The following DDX31 variants were observed in gnomAD, a reference collection of about 807,000 sequenced individuals.
DDX31 encodes the protein DEAD-box helicase 31, also known as ATP-dependent DNA helicase DDX31.
A neutral mutation model predicts 91.3 loss-of-function variants in DDX31; 70 were observed. The observed-to-expected ratio is 0.77, with a 90% confidence interval of 0.63 to 0.94. The LOEUF is 0.94. Ranked by LOEUF, DDX31 falls within the 40% of genes least tolerant of loss-of-function variation. The pLI, the probability that DDX31 is intolerant of heterozygous loss-of-function variation, is 0.00. For missense variants in DDX31, 902 were observed against 925.0 expected (o/e 0.98, Z 0.32); for synonymous variants, 362 against 350.6 (o/e 1.03, Z -0.36).
At chr9:132,598,647 C>T (rs1373061190) in intron 19 of DDX31, among the ~76,000 whole-genome samples, 1 of 152,232 alleles carries the variant, frequency 6.6e-6, no homozygotes, top group Non-Finnish European at 1.5e-5. Context: ...TCATTACATT[C>T]TCACAATGAT....
intron 16 of DDX31, among the ~76,000 whole-genome samples, chr9:132,627,636 T>A (rs980588258): frequency 6.6e-6 from 1 of 152,190 alleles, no homozygotes; most frequent in African/African-American, 2.4e-5. Flanking sequence ...AGTTAAGAAG[T>A]TGACAAATAC....
Position 132,627,084 on chromosome 9 carries a change from C to T in DDX31, c.1632-1339G>A, listed in dbSNP as rs149376340. On this transcript the variant is annotated intron_variant, in intron 16 of 19. Coordinates refer to ENST00000372159, the MANE Select transcript of DDX31 (RefSeq NM_022779.9). ...CCCATCTTTTTCTTGGTCTGATTTG[C>T]TTCTATTCATCACTTTTTTCTTGAG... 2.6e-5 allele frequency among the ~76,000 whole-genome samples: 4 copies of T among 152,204 alleles called. No individual in the cohort carries two copies. The East Asian group carries it at 7.7e-4, about 29-fold the overall frequency.
chr9:132,637,219 C>T (rs916767597), intron 14 of DDX31, among the ~76,000 whole-genome samples: 7 of 152,194 alleles, frequency 4.6e-5, no homozygotes, highest in Admixed American at 1.3e-4. Flanking sequence ...CAGCCAGCTA[C>T]ATCAGATCAA....
intron 4 of DDX31, among the ~76,000 whole-genome samples, chr9:132,660,900 A>G (rs528487594): frequency 6.6e-6 from 1 of 152,210 alleles, no homozygotes; most frequent in Non-Finnish European, 1.5e-5. Flanking sequence ...CGACATGGTC[A>G]CATGCTATAT....
At chr9:132,645,698 C>T (rs1038385762) in intron 13 of DDX31, among the ~76,000 whole-genome samples, 197 bp downstream of exon 13, 2 of 152,108 alleles carry the variant, frequency 1.3e-5, no homozygotes, top group Non-Finnish European at 2.9e-5. Flanking sequence ...CTCCCCTTGC[C>T]CCCATCAATC....
intron 18 of DDX31, among the ~76,000 whole-genome samples, chr9:132,614,509 A>T (rs1029801627): frequency 6.6e-6 from 1 of 152,128 alleles, no homozygotes; most frequent in African/African-American, 2.4e-5. Flanking sequence ...GTCTCAAAAA[A>T]GACAAGACCG....
At chr9:132,650,946 G>T in intron 8 of DDX31, 129 bp downstream of exon 8, 1 of 935,270 alleles carries the variant, frequency 1.1e-6, no homozygotes, top group Non-Finnish European at 1.6e-6. Flanking sequence ...ACTGCCTAGA[G>T]AGAGCAGAGA....
chr9:132,602,617 C>A (rs1830780946), intron 19 of DDX31, among the ~76,000 whole-genome samples: 1 of 152,196 alleles, frequency 6.6e-6, no homozygotes, highest in African/African-American at 2.4e-5. Context: ...AGATCCAAAT[C>A]TTGCTTATAA....
chr9:132,651,893 T>C (rs1564328876), intron 7 of DDX31, among the ~76,000 whole-genome samples: 2 of 152,220 alleles, frequency 1.3e-5, no homozygotes, highest in African/African-American at 4.8e-5. Flanking sequence ...AAAAGCTGAC[T>C]TCAAATCATC....
chr9:132,632,154 A>G (rs1832772731), intron 14 of DDX31, 63 bp from the exon 15 acceptor site: 1 of 1,504,782 alleles, frequency 6.6e-7, no homozygotes, highest in Non-Finnish European at 9.1e-7. Context: ...GGTCCTGGAT[A>G]TGTTTGATAA....
rs1308442322 is a variant in DDX31 at position 132,646,842 on chromosome 9, AAGGCCGCT to A, written c.1176_1183del (p.Ala393HisfsTer8). 2 of 1,614,020 alleles carry A rather than the reference AAGGCCGCT, an allele frequency of 1.2e-6. No homozygotes were observed. The highest frequency in any genetic ancestry group is 2.2e-5 in the East Asian group (1 of 44,874). ...TCCCACCTTGCATTTCTGAAGGATG[AAGGCCGCT>A]AGGCAGACAAGCCTCAGTTTGCTGG... On this transcript the variant is annotated frameshift_variant, in exon 12 of 20. Transcript: ENST00000372159. LOFTEE classifies it high-confidence loss of function.
intron 14 of DDX31, among the ~76,000 whole-genome samples, chr9:132,634,563 A>G (rs1234611161): frequency 6.8e-6 from 1 of 148,030 alleles, no homozygotes; most frequent in Non-Finnish European, 1.5e-5. Context: ...CCATATTCAA[A>G]TTCTCCAACT....
intron 19 of DDX31, among the ~76,000 whole-genome samples, chr9:132,609,176 C>A (rs573210704): frequency 1.3e-5 from 2 of 152,156 alleles, no homozygotes; most frequent in East Asian, 3.9e-4. Flanking sequence ...TTGTCACGGG[C>A]GGAGTAATCC....
At chr9:132,636,942 G>A (rs1833156199) in intron 14 of DDX31, among the ~76,000 whole-genome samples, 1 of 152,162 alleles carries the variant, frequency 6.6e-6, no homozygotes, top group African/African-American at 2.4e-5. Flanking sequence ...GGAGAACCAT[G>A]CTATGTACGT....
At chr9:132,646,152 A>T (rs1291741476) in intron 12 of DDX31, 81 bp from the exon 13 acceptor site, 9 of 1,397,340 alleles carry the variant, frequency 6.4e-6, no homozygotes, top group Non-Finnish European at 5.8e-6. Context: ...TAAACTATAC[A>T]GTCATGCTGA....
Position 132,664,646 on chromosome 9 carries a change from C to A in DDX31, c.76-1951G>T, listed in dbSNP as rs545340621. On this transcript the variant is annotated intron_variant, in intron 1 of 19. Coordinates refer to ENST00000372159, the MANE Select transcript of DDX31 (RefSeq NM_022779.9). ...ATCACCTGAGCCCGGGAGGTCAAGGCTGGATTGAGTCGTGATGACGCCATG... is the reference window on the plus strand; with the variant it reads ...ATCACCTGAGCCCGGGAGGTCAAGGATGGATTGAGTCGTGATGACGCCATG... Among the ~76,000 whole-genome samples the A allele has an allele frequency of 7.1e-4, 102 of 144,092 alleles. 1 individual carries two copies. Among genetic ancestry groups the A allele is most frequent in the Middle Eastern group, 3.7e-3 (1 of 270 alleles). The allele number at this position is 144,092 out of a possible 152,430, so 94.5% of individuals were successfully genotyped here. A position where few individuals can be genotyped will look rare whatever the true frequency, so the allele number is the denominator to read the frequency against.
At chr9:132,635,441 T>C (rs1192780310) in intron 14 of DDX31, among the ~76,000 whole-genome samples, 1 of 151,014 alleles carries the variant, frequency 6.6e-6, no homozygotes, top group African/African-American at 2.4e-5. Context: ...CACAAAGGAT[T>C]CATATGTACA....
At chr9:132,630,426 A>G in intron 15 of DDX31, 23 bp from the exon 16 acceptor site, 5 of 1,572,490 alleles carry the variant, frequency 3.2e-6, no homozygotes, top group Non-Finnish European at 4.4e-6. Context: ...ACAAAAATGA[A>G]GGCATTCATA....
Position 132,595,043 on chromosome 9 carries a change from G to A in DDX31, c.2064C>T (p.Ser688=), listed in dbSNP as rs774131131. Residue 688 remains serine (S), a synonymous_variant, in exon 20 of 20, where the codon AGC becomes AGT. Coordinates refer to ENST00000372159, the MANE Select transcript of DDX31 (RefSeq NM_022779.9). The surrounding 1 kb of genome is among the most constrained non-coding windows in gnomAD (Gnocchi z 4.6). The part of the protein sequence containing the change: ...LAEILRSEYS[S]GMEADIAKVK... ...CCTTGGCGATGTCGGCCTCCATGCC[G>A]CTTGAGTATTCCGAACGTAGGATTT... 14 of 1,614,236 alleles carry A rather than the reference G, an allele frequency of 8.7e-6. No homozygotes were observed. The highest frequency in any genetic ancestry group is 4.5e-5 in the East Asian group (2 of 44,886).
Sources: gnomAD v4.1 joint callset for allele counts (sites outside exome capture counted in the v4.1 genomes callset) on GRCh38, gnomAD v4.1.1 for gene constraint, Gnocchi (gnomAD v3.1) non-coding constraint, MANE v1.5 for transcripts, NCBI Gene and HGNC (gene_info 2026-07-23, HGNC 2026-07-21) for gene names.